The following PTPRD variants were observed in gnomAD, a reference collection of about 807,000 sequenced individuals.
The protein encoded by PTPRD is receptor-type tyrosine-protein phosphatase delta.
PTPRD carries 34 observed loss-of-function variants against 214.5 expected under a neutral mutation model. That is an observed-to-expected ratio of 0.16 (90% confidence interval 0.12 to 0.21). The LOEUF (loss-of-function observed/expected upper bound fraction) is 0.21, where lower values mean the gene tolerates loss of function less well. Among genes scored for constraint, PTPRD ranks in the 10% least tolerant of loss-of-function variants. The probability of loss-of-function intolerance (pLI) is 1.00; values close to 1 mark genes in which losing one functional copy is unlikely to be tolerated. For synonymous variants in PTPRD, 1,128 were observed against 845.7 expected, an observed-to-expected ratio of 1.33 and a Z score of -5.79; for missense variants, 2,545 against 2,398.7, an observed-to-expected ratio of 1.06 and a Z score of -1.27.
intron 5 of PTPRD, among the ~76,000 whole-genome samples, chr9:9,809,746 C>T (rs2046557318): frequency 6.6e-6 from 1 of 152,232 alleles, no homozygotes; most frequent in South Asian, 2.1e-4. Context: ...CTAACACTGA[C>T]ATTCAGAATG....
rs77141815 is a variant in PTPRD at position 8,918,988 on chromosome 9, A to G, written c.-104+99709T>C. The stretch of plus-strand genomic sequence containing the variant: ...CTGAAAAAGACCACACATCGTAGGG[A>G]ACATAAGTTTATTTCTGAGGATTTC... On this transcript the variant is annotated intron_variant, in intron 11 of 45. Coordinates refer to ENST00000381196, the MANE Select transcript of PTPRD (RefSeq NM_002839.4). Among the ~76,000 whole-genome samples, 765 of 152,292 alleles carry G rather than the reference A, an allele frequency of 5.0e-3. 10 individuals are homozygous for G. The highest frequency in any genetic ancestry group is 0.017 in the African/African-American group (727 of 41,552).
At chr9:8,661,637 A>G (rs2097055514) in intron 12 of PTPRD, among the ~76,000 whole-genome samples, 1 of 152,176 alleles carries the variant, frequency 6.6e-6, no homozygotes, top group South Asian at 2.1e-4. Context: ...AAAACAAAAA[A>G]TTGCAATACC....
At chr9:8,475,654 C>T (rs1029123008) in intron 30 of PTPRD, among the ~76,000 whole-genome samples, 3 of 152,174 alleles carry the variant, frequency 2.0e-5, no homozygotes, top group Middle Eastern at 3.2e-3. Context: ...AATAAACCCT[C>T]CCTAACATTG....
intron 4 of PTPRD, among the ~76,000 whole-genome samples, chr9:9,972,685 G>T (rs567463512): frequency 6.6e-6 from 1 of 152,120 alleles, no homozygotes; most frequent in Non-Finnish European, 1.5e-5. Context: ...AGCAAAGCTG[G>T]TTCTTTCTGG....
At chr9:8,624,243 G>T (rs1358474881) in intron 14 of PTPRD, among the ~76,000 whole-genome samples, 1 of 151,856 alleles carries the variant, frequency 6.6e-6, no homozygotes, top group Non-Finnish European at 1.5e-5. Context: ...AAATTCTTGG[G>T]ATTGTGTACT....
At chr9:9,885,926 T>A (rs968774942) in intron 5 of PTPRD, among the ~76,000 whole-genome samples, 1 of 151,304 alleles carries the variant, frequency 6.6e-6, no homozygotes. Context: ...GATCTGTGAG[T>A]GTAGATTTTG....
At position 8,818,052 on chromosome 9, in the gene PTPRD, T is replaced by C. The variant is rs530379198; in HGVS notation, c.-103-84106A>G. ...GGGAATATTTTCAGGGCATTTTAGA[T>C]AGAGTTAAATTGTAACTCTTGAATT... On this transcript the variant is annotated intron_variant, in intron 11 of 45. Transcript: ENST00000381196. 1.6e-3 allele frequency among the ~76,000 whole-genome samples: 242 copies of C among 152,340 alleles called. 3 individuals carry two copies. Among genetic ancestry groups the C allele is most frequent in the Non-Finnish European group, 4.9e-4 (33 of 68,034 alleles).
At chr9:8,487,144 TAATA>T (rs1321647751) in intron 27 of PTPRD, among the ~76,000 whole-genome samples, 21 of 152,336 alleles carry the variant, frequency 1.4e-4, no homozygotes, top group African/African-American at 4.8e-4. Context: ...TTCTTATGAA[TAATA>T]AATGAGGAAA....
At chr9:9,920,824 A>T (rs575228948) in intron 5 of PTPRD, among the ~76,000 whole-genome samples, 1 of 152,266 alleles carries the variant, frequency 6.6e-6, no homozygotes, top group South Asian at 2.1e-4. Flanking sequence ...TAGAGAAGTG[A>T]ATAGAAATTT....
At chr9:8,338,122 T>C (rs1848777093) in intron 43 of PTPRD, among the ~76,000 whole-genome samples, 1 of 152,006 alleles carries the variant, frequency 6.6e-6, no homozygotes, top group Non-Finnish European at 1.5e-5. Flanking sequence ...GAAAAAACAA[T>C]GGATCAACTA....
chr9:10,232,031 G>A (rs961953280), intron 3 of PTPRD, among the ~76,000 whole-genome samples: 1 of 79,536 alleles, frequency 1.3e-5, no homozygotes, highest in African/African-American at 5.0e-5. Context: ...TGTGTGTGAG[G>A]TGCACTCTGG....
intron 11 of PTPRD, among the ~76,000 whole-genome samples, chr9:8,830,647 GC>G (rs1462701579): frequency 3.3e-5 from 5 of 152,224 alleles, no homozygotes; most frequent in Non-Finnish European, 2.9e-5. Context: ...TCATGAGGGG[GC>G]ATGTTCCTCC....
intron 2 of PTPRD, among the ~76,000 whole-genome samples, chr9:10,415,627 T>C (rs1358279604): frequency 6.6e-6 from 1 of 151,880 alleles, no homozygotes; most frequent in African/African-American, 2.4e-5. Flanking sequence ...TGGTTATCTA[T>C]GAAAGTGGTT....
intron 2 of PTPRD, among the ~76,000 whole-genome samples, chr9:10,353,940 G>C (rs2097224027): frequency 6.6e-6 from 1 of 151,888 alleles, no homozygotes; most frequent in Non-Finnish European, 1.5e-5. Context: ...AATCAATTGA[G>C]TAAATTTTTT....
At chr9:9,382,842 T>C (rs879716429) in intron 9 of PTPRD, among the ~76,000 whole-genome samples, 19 of 152,108 alleles carry the variant, frequency 1.2e-4, no homozygotes, top group Non-Finnish European at 2.5e-4. Flanking sequence ...TTCAGAGATA[T>C]CTACCTCCCA....
rs73405068 is a variant in PTPRD at position 9,502,232 on chromosome 9, A to G, written c.-237+72500T>C. On this transcript the variant is annotated intron_variant, in intron 8 of 45. Coordinates refer to ENST00000381196, the MANE Select transcript of PTPRD (RefSeq NM_002839.4). Reference sequence around the variant, plus strand: ...GATCTCTAGGACTTATTCATCTGGCATAACTGAAACTTTTTACCCTTTGAC... The same window carrying G: ...GATCTCTAGGACTTATTCATCTGGCGTAACTGAAACTTTTTACCCTTTGAC... 3.6e-3 allele frequency among the ~76,000 whole-genome samples: 551 copies of G among 152,010 alleles called. 1 individual carries two copies. Among genetic ancestry groups the G allele is most frequent in the African/African-American group, 0.012 (511 of 41,522 alleles).
intron 27 of PTPRD, among the ~76,000 whole-genome samples, chr9:8,492,479 A>T (rs1453572183): frequency 6.6e-6 from 1 of 152,046 alleles, no homozygotes; most frequent in Non-Finnish European, 1.5e-5. Context: ...ACATTTTATT[A>T]TATACTCGTT....
chr9:9,393,997 C>T (rs974162053), intron 9 of PTPRD, among the ~76,000 whole-genome samples: 5 of 152,098 alleles, frequency 3.3e-5, no homozygotes, highest in Non-Finnish European at 7.4e-5. Context: ...TGTCTACTGC[C>T]ACGGAGAAAA....
At position 9,238,487 on chromosome 9, in the gene PTPRD, T is replaced by A. The variant is rs2099968440; in HGVS notation, c.-202-55124A>T. Among the ~76,000 whole-genome samples, 3 of 152,230 alleles carry A rather than the reference T, an allele frequency of 2.0e-5. 1 individual carries two copies. In the South Asian group the frequency reaches 6.2e-4, roughly 32 times the overall value. On this transcript the variant is annotated intron_variant, in intron 9 of 45. Transcript: ENST00000381196. ...CTTGTGTACTTAAGTGAGGAAGGCCTCGGGCATCTGATTCGGTCAGAGAGA... is the reference window on the plus strand; with the variant it reads ...CTTGTGTACTTAAGTGAGGAAGGCCACGGGCATCTGATTCGGTCAGAGAGA...
Sources: gnomAD v4.1 joint callset for allele counts (sites outside exome capture counted in the v4.1 genomes callset) on GRCh38, gnomAD v4.1.1 for gene constraint, MANE v1.5 for transcripts, NCBI Gene and HGNC (gene_info 2026-07-23, HGNC 2026-07-21) for gene names.